The following ARHGAP21 variants were observed in gnomAD, a reference collection of about 807,000 sequenced individuals.
ARHGAP21 encodes Rho GTPase activating protein 21.
ARHGAP21 carries 38 observed loss-of-function variants against 164.6 expected under a neutral mutation model. The ratio of observed to expected loss-of-function variants is 0.23; its 90% CI spans 0.18 to 0.30. The LOEUF (loss-of-function observed/expected upper bound fraction) is 0.30, where lower values mean the gene tolerates loss of function less well. Ranked by LOEUF, ARHGAP21 falls within the 10% of genes least tolerant of loss-of-function variation. ARHGAP21 has a pLI of 1.00. For missense variants in ARHGAP21, 1,822 were observed against 2,370.7 expected (o/e 0.77, Z 4.81); for synonymous variants, 766 against 857.9 (o/e 0.89, Z 1.87).
intron 4 of ARHGAP21, among the ~76,000 whole-genome samples, chr10:24,639,104 A>C (rs1464992533): frequency 6.6e-6 from 1 of 152,186 alleles, no homozygotes; most frequent in Non-Finnish European, 1.5e-5. Flanking sequence ...ATTCATTATA[A>C]TGCAACAGTT....
intron 2 of ARHGAP21, among the ~76,000 whole-genome samples, chr10:24,700,795 T>G (rs796325102): frequency 1.6e-4 from 24 of 152,310 alleles, no homozygotes; most frequent in African/African-American, 5.3e-4. Flanking sequence ...AAAAATAACC[T>G]TTAACTCTCT....
chr10:24,613,586 G>A (rs886282584), intron 9 of ARHGAP21, among the ~76,000 whole-genome samples: 1 of 152,146 alleles, frequency 6.6e-6, no homozygotes, highest in Non-Finnish European at 1.5e-5. Flanking sequence ...AGATAGAAAT[G>A]GTTTTACAGT....
intron 4 of ARHGAP21, among the ~76,000 whole-genome samples, chr10:24,664,424 G>A (rs926272357): frequency 2.0e-5 from 3 of 151,808 alleles, no homozygotes; most frequent in Non-Finnish European, 2.9e-5. Context: ...GCGTGGTGGC[G>A]TGCGCTTTTA....
chr10:24,625,932 T>C (rs1461138584), intron 7 of ARHGAP21, among the ~76,000 whole-genome samples: 5 of 152,260 alleles, frequency 3.3e-5, no homozygotes, highest in African/African-American at 1.2e-4. Flanking sequence ...CCTAAACAGT[T>C]CATCTCCACT....
intron 7 of ARHGAP21, among the ~76,000 whole-genome samples, chr10:24,623,543 G>C (rs530354394): frequency 6.6e-6 from 1 of 152,164 alleles, no homozygotes; most frequent in Non-Finnish European, 1.5e-5. Context: ...TGTGTGCATT[G>C]ACACACCAAG....
chr10:24,607,702 CAG>C (rs777312980), intron 10 of ARHGAP21, 41 bp downstream of exon 10: 18 of 1,611,166 alleles, frequency 1.1e-5, no homozygotes, highest in Admixed American at 1.7e-5. Context: ...AAGTGGAAAA[CAG>C]AGCATGAGAT....
In ARHGAP21 at chr10:24,723,651, G is replaced by T. The variant is rs1183556237; in HGVS notation, c.-470C>A. On this transcript the variant is annotated 5_prime_UTR_variant, in exon 1 of 26. Coordinates refer to ENST00000396432, the MANE Select transcript of ARHGAP21 (RefSeq NM_020824.4). The stretch of plus-strand genomic sequence containing the variant: ...GCCCGCCCGGCGTGAGCCGGACCCC[G>T]CAGCCGGACGATCCCGCGCTGCCCG... 9 of 146,896 alleles carry T rather than the reference G, an allele frequency of 6.1e-5. No individual in the cohort carries two copies. The South Asian group carries it at 9.0e-4, about 15-fold the overall frequency. 9.1% of individuals were successfully genotyped at this position (146,896 alleles called of 1,614,324 possible). A position where few individuals can be genotyped will look rare whatever the true frequency, so the allele number is the denominator to read the frequency against.
intron 2 of ARHGAP21, among the ~76,000 whole-genome samples, chr10:24,703,016 TATA>T (rs1248035825): frequency 5.6e-4 from 85 of 152,184 alleles, no homozygotes; most frequent in Admixed American, 9.8e-4. Flanking sequence ...TATTATAGTG[TATA>T]ATATTATACA....
At chr10:24,683,095 CAAAAAAA>C (rs200968718) in intron 2 of ARHGAP21, among the ~76,000 whole-genome samples, 3 of 89,014 alleles carry the variant, frequency 3.4e-5, no homozygotes, top group African/African-American at 6.9e-5. Context: ...AACTCCATCT[CAAAAAAA>C]AAAAAAAAAA....
intron 2 of ARHGAP21, among the ~76,000 whole-genome samples, chr10:24,671,129 T>G (rs1004314028): frequency 2.6e-5 from 4 of 152,106 alleles, no homozygotes; most frequent in East Asian, 1.9e-4. Context: ...GTTCTCACTT[T>G]CCTCTTAAGC....
rs1281663182 is a variant in ARHGAP21 at position 24,670,234 on chromosome 10, A to G, written c.227T>C (p.Ile76Thr). The part of the protein sequence containing the change: ...HFIVYPPESA[I>T]QFSYKDEENG... ...TTCTCTTACCTTATATGAAAATTGAATTGCAGACTCTGGGGGATAAACAAT... is the reference window on the plus strand; with the variant it reads ...TTCTCTTACCTTATATGAAAATTGAGTTGCAGACTCTGGGGGATAAACAAT... Residue 76 changes from isoleucine to threonine, a missense_variant, in exon 3 of 26, where the codon ATT (isoleucine) becomes ACT (threonine). Coordinates refer to ENST00000396432, the MANE Select transcript of ARHGAP21 (RefSeq NM_020824.4). 6.3e-7 allele frequency: 1 copy of G among 1,591,756 alleles called. No individual in the cohort carries two copies. Among genetic ancestry groups the G allele is most frequent in the Non-Finnish European group, 8.6e-7 (1 of 1,169,404 alleles).
chr10:24,600,046 T>C (rs1454726207), intron 14 of ARHGAP21, among the ~76,000 whole-genome samples: 2 of 141,584 alleles, frequency 1.4e-5, no homozygotes, highest in Non-Finnish European at 3.0e-5. Context: ...GGCAGGAGAA[T>C]GGTGTGAACC....
chr10:24,670,488 C>G, intron 2 of ARHGAP21, 91 bp from the exon 3 acceptor site: 1 of 791,904 alleles, frequency 1.3e-6, no homozygotes, highest in Non-Finnish European at 1.8e-6. Flanking sequence ...AATACCTGAG[C>G]GCCGATATGA....
chr10:24,699,904 C>T (rs1843502286), intron 2 of ARHGAP21, among the ~76,000 whole-genome samples: 1 of 152,210 alleles, frequency 6.6e-6, no homozygotes, highest in Non-Finnish European at 1.5e-5. Context: ...TTCTTCATCA[C>T]TCACAAAATA....
At chr10:24,628,821 A>ATC (rs1565053004) in intron 7 of ARHGAP21, among the ~76,000 whole-genome samples, 1 of 145,094 alleles carries the variant, frequency 6.9e-6, no homozygotes, top group African/African-American at 2.5e-5. Flanking sequence ...ATATACATAT[A>ATC]CACACATATA....
At position 24,607,766 on chromosome 10, in the gene ARHGAP21, G is replaced by A. The variant is rs761173939; in HGVS notation, c.2560C>T (p.Arg854Cys). The change falls in exon 10 of 26, where the codon CGT becomes TGT. Residue 854 changes from arginine (R) to cysteine (C), a missense_variant. Transcript: ENST00000396432. ...GTACCGTGGTCATGTGAGAGCTGAC[G>A]GCGAATTAATGGAGCTGAAGTTGTG... ...CLTTSAPLIRRQLSHDHESVG... is the reference protein window; with the variant it reads ...CLTTSAPLIRCQLSHDHESVG... 3.7e-6 allele frequency: 6 copies of A among 1,613,976 alleles called. No individual in the cohort carries two copies. Among genetic ancestry groups the A allele is most frequent in the East Asian group, 2.2e-5 (1 of 44,864 alleles).
chr10:24,619,640 C>T lies in ARHGAP21; in HGVS notation c.2255G>A (p.Arg752Lys). 6.2e-7 allele frequency: 1 copy of T among 1,614,148 alleles called. No homozygotes were observed. The highest frequency in any genetic ancestry group is 1.1e-5 in the South Asian group (1 of 91,078). ...PSGRQTPQPL[R>K]HQSYILAVND... ...TACTGCCAAGATGTAAGACTGATGC[C>T]TTAAAGGCTGCGGTGTCTGGCGTCC... is the stretch of plus-strand genomic sequence containing the variant. Residue 752 changes from arginine to lysine, a missense_variant, in exon 9 of 26, where the codon AGG becomes AAG. Around this residue, in one of 5 missense-constraint regions of ARHGAP21, gnomAD observed 1,090 missense variants for 1,378.9 expected, o/e 0.79. Coordinates refer to ENST00000396432, the MANE Select transcript of ARHGAP21 (RefSeq NM_020824.4).
At chr10:24,643,115 C>A (rs1348154486) in intron 4 of ARHGAP21, among the ~76,000 whole-genome samples, 5 of 152,184 alleles carry the variant, frequency 3.3e-5, no homozygotes, top group Non-Finnish European at 1.5e-5. Flanking sequence ...GCATTATGAA[C>A]TATCCAGGCA....
intron 4 of ARHGAP21, among the ~76,000 whole-genome samples, chr10:24,665,722 T>C (rs1840124886): frequency 2.0e-5 from 3 of 152,196 alleles, no homozygotes; most frequent in Admixed American, 1.3e-4. Flanking sequence ...TACCAAACTA[T>C]ACACTTACAA....
Sources: gnomAD v4.1 joint callset for allele counts (sites outside exome capture counted in the v4.1 genomes callset) on GRCh38, gnomAD v4.1.1 for gene constraint, gnomAD v4.1.1 regional missense constraint, MANE v1.5 for transcripts, NCBI Gene and HGNC (gene_info 2026-07-23, HGNC 2026-07-21) for gene names.